Variants in FOXP1 observed in about 807,000 individuals in gnomAD.
The protein encoded by FOXP1 is forkhead box protein P1.
FOXP1 carries 15 observed loss-of-function variants against 98.2 expected under a neutral mutation model. The ratio of observed to expected loss-of-function variants is 0.15; its 90% CI spans 0.10 to 0.24. The LOEUF (loss-of-function observed/expected upper bound fraction) is 0.24. Ranked by LOEUF, FOXP1 falls within the 10% of genes least tolerant of loss-of-function variation. The pLI is 1.00. For synonymous variants in FOXP1, 371 were observed against 314.5 expected (o/e 1.18, Z -1.90); for missense variants, 633 against 848.5 (o/e 0.75, Z 3.15).
chr3:71,154,681 C>T (rs747886283), intron 6 of FOXP1, among the ~76,000 whole-genome samples: 4 of 152,176 alleles, frequency 2.6e-5, no homozygotes, highest in Admixed American at 6.5e-5. Flanking sequence ...CCTAACCTTG[C>T]GGTGCCTCAG....
chr3:71,070,042 C>T (rs574675908), intron 7 of FOXP1, among the ~76,000 whole-genome samples: 1 of 152,294 alleles, frequency 6.6e-6, no homozygotes, highest in East Asian at 1.9e-4. Flanking sequence ...TTTACGCCTG[C>T]CCTCTGCTGG....
rs576942437 is a variant in FOXP1 at position 71,546,141 on chromosome 3, C to T, written c.-298+35408G>A. Among the ~76,000 whole-genome samples the T allele has an allele frequency of 9.9e-5, 15 of 152,256 alleles. No homozygotes were observed. In the East Asian group the frequency reaches 2.5e-3, roughly 25 times the overall value. ...ACAACACCTTCCCCCACCCACCTCC[C>T]CACACTCCAACATCCAACTGCAGAC... is the stretch of plus-strand genomic sequence containing the variant. On this transcript the variant is annotated intron_variant, in intron 2 of 20. Transcript: ENST00000649528.
chr3:71,275,615 G>T (rs970666484), intron 5 of FOXP1, among the ~76,000 whole-genome samples: 3 of 152,200 alleles, frequency 2.0e-5, no homozygotes, highest in African/African-American at 7.2e-5. Context: ...AAAACATACC[G>T]AGGCACAATT....
chr3:71,231,619 A>G (rs145080643), intron 5 of FOXP1, among the ~76,000 whole-genome samples: 62 of 152,368 alleles, frequency 4.1e-4, no homozygotes, highest in African/African-American at 1.4e-3. Context: ...TAAATGGACT[A>G]CAAGCACTGT....
intron 3 of FOXP1, among the ~76,000 whole-genome samples, chr3:71,443,190 G>A (rs951140327): frequency 2.6e-5 from 4 of 152,136 alleles, no homozygotes; most frequent in African/African-American, 7.2e-5. Flanking sequence ...CACCACGCCC[G>A]GCCCTTATTT....
At position 70,958,060 on chromosome 3, in the gene FOXP1, G is replaced by A. The variant is rs1487945935; in HGVS notation, c.*1187C>T. The A allele has an allele frequency of 6.9e-6, 2 of 290,392 alleles. No homozygotes were observed. The highest frequency in any genetic ancestry group is 5.1e-5 in the East Asian group (1 of 19,488). The allele number at this position is 290,392 out of a possible 1,614,324, so 18.0% of individuals were successfully genotyped here. Reference sequence around the variant, plus strand: ...TATCGCAGAGCACCCAAGGCCCATGGCAACTTGGTTCCACAAGGGAGAGCC... The same window carrying A: ...TATCGCAGAGCACCCAAGGCCCATGACAACTTGGTTCCACAAGGGAGAGCC... On this transcript the variant is annotated 3_prime_UTR_variant, in exon 21 of 21. Coordinates refer to ENST00000649528, the MANE Select transcript of FOXP1 (RefSeq NM_001349338.3).
At chr3:71,335,501 G>A (rs375252295) in intron 4 of FOXP1, among the ~76,000 whole-genome samples, 1 of 152,110 alleles carries the variant, frequency 6.6e-6, no homozygotes, top group African/African-American at 2.4e-5. Context: ...CAGCATGGAA[G>A]AAAGGAGATA....
At chr3:71,582,596 C>T in intron 1 of FOXP1, 1 of 985,468 alleles carries the variant, frequency 1.0e-6, no homozygotes, top group Non-Finnish European at 1.2e-6. Flanking sequence ...ATCTCCCCGT[C>T]CCCCAAGCTT....
intron 3 of FOXP1, among the ~76,000 whole-genome samples, chr3:71,480,291 G>A (rs1377555169): frequency 1.3e-5 from 2 of 152,188 alleles, no homozygotes; most frequent in African/African-American, 2.4e-5. Context: ...GGACTGAGCC[G>A]AGTGTCTGGC....
intron 2 of FOXP1, among the ~76,000 whole-genome samples, chr3:71,517,322 G>A (rs1020649348): frequency 2.0e-5 from 3 of 152,196 alleles, no homozygotes; most frequent in Non-Finnish European, 4.4e-5. Flanking sequence ...TGATGGAAAT[G>A]CTGTCTAGTC....
At chr3:71,494,183 T>A (rs921486313) in intron 2 of FOXP1, among the ~76,000 whole-genome samples, 1 of 152,178 alleles carries the variant, frequency 6.6e-6, no homozygotes, top group African/African-American at 2.4e-5. Context: ...GGACCCGGTA[T>A]GGTCTTCAGT....
intron 3 of FOXP1, among the ~76,000 whole-genome samples, chr3:71,395,588 G>A (rs1023134820): frequency 1.3e-5 from 2 of 151,738 alleles, no homozygotes; most frequent in African/African-American, 4.8e-5. Context: ...TTATTTCTCT[G>A]CACAGCACTT....
intron 2 of FOXP1, among the ~76,000 whole-genome samples, chr3:71,575,468 C>T (rs914720090): frequency 2.0e-5 from 3 of 152,210 alleles, no homozygotes; most frequent in South Asian, 2.1e-4. Flanking sequence ...CACACACACA[C>T]ACACAGATAC....
intron 5 of FOXP1, among the ~76,000 whole-genome samples, chr3:71,220,565 T>C (rs1280650276): frequency 2.0e-5 from 3 of 151,438 alleles, no homozygotes; most frequent in Non-Finnish European, 2.9e-5. Flanking sequence ...CTGGGCAACA[T>C]AGCAAAACTC....
intron 6 of FOXP1, among the ~76,000 whole-genome samples, chr3:71,175,436 T>C (rs4677593): frequency 0.049 from 7,488 of 152,316 alleles, 201 homozygotes; most frequent in East Asian, 0.078. Flanking sequence ...TGGGAGATTT[T>C]CAATTGATGA....
At chr3:71,462,374 C>A (rs1380945920) in intron 3 of FOXP1, among the ~76,000 whole-genome samples, 2 of 152,150 alleles carry the variant, frequency 1.3e-5, no homozygotes, top group East Asian at 3.9e-4. Flanking sequence ...TCAAGAATTT[C>A]TTGAGAAAAA....
intron 5 of FOXP1, among the ~76,000 whole-genome samples, chr3:71,271,956 G>A (rs568535296): frequency 1.3e-5 from 2 of 152,304 alleles, no homozygotes; most frequent in African/African-American, 4.8e-5. Flanking sequence ...TGGCAGGGGC[G>A]ATGAATACAT....
intron 20 of FOXP1, 59 bp downstream of exon 20, chr3:70,965,831 C>A (rs1024926223): frequency 3.1e-5 from 46 of 1,505,602 alleles, no homozygotes; most frequent in Middle Eastern, 2.2e-4. Context: ...TGTCTCCCTG[C>A]GTGTACCTAG....
intron 3 of FOXP1, among the ~76,000 whole-genome samples, chr3:71,361,170 G>C (rs1052058486): frequency 1.3e-5 from 2 of 152,190 alleles, no homozygotes; most frequent in Non-Finnish European, 2.9e-5. Context: ...GGTAAAGGCT[G>C]TAATCGTTCA....
Sources: gnomAD v4.1 joint callset for allele counts (sites outside exome capture counted in the v4.1 genomes callset) on GRCh38, gnomAD v4.1.1 for gene constraint, MANE v1.5 for transcripts, NCBI Gene and HGNC (gene_info 2026-07-23, HGNC 2026-07-21) for gene names.